Variants in FBF1 observed in about 807,000 individuals in gnomAD.
The protein encoded by FBF1 is fas-binding factor 1.
Under a neutral mutation model 147.2 loss-of-function variants are expected in FBF1, and 119 were observed. The observed-to-expected ratio is 0.81, with a 90% CI of 0.70 to 0.94. FBF1 has a LOEUF of 0.94. Among genes scored for constraint, FBF1 ranks in the 40% least tolerant of loss-of-function variants. FBF1 has a pLI of 0.00. For synonymous variants in FBF1, 601 were observed against 609.0 expected, an observed-to-expected ratio of 0.99 and a Z score of 0.19; for missense variants, 1,449 against 1,500.8, an observed-to-expected ratio of 0.97 and a Z score of 0.57.
At chr17:75,936,757 A>G (rs572639803) in intron 3 of FBF1, among the ~76,000 whole-genome samples, 113 of 152,234 alleles carry the variant, frequency 7.4e-4, no homozygotes, top group Non-Finnish European at 1.4e-3. Context: ...CCTGCCTACC[A>G]TGACACACTG....
intron 28 of FBF1, among the ~76,000 whole-genome samples, chr17:75,913,235 A>G (rs1360453536): frequency 7.3e-6 from 1 of 136,898 alleles, no homozygotes; most frequent in Non-Finnish European, 1.5e-5. Flanking sequence ...TGCAACCTCC[A>G]CTTCTCGGGT....
chr17:75,909,995 G>T lies in FBF1; in HGVS notation c.*728C>A, dbSNP rs909926897. On this transcript the variant is annotated 3_prime_UTR_variant, in exon 30 of 30. Transcript: ENST00000636174. ...GCTTTGGGCAGGTGAGCAGCACAGA[G>T]GCTTCCCTCCTCGTCCCTCCCCACA... 1 of 687,812 alleles carries T rather than the reference G, an allele frequency of 1.5e-6. No individual in the cohort carries two copies. Among genetic ancestry groups the T allele is most frequent in the Admixed American group, 2.0e-5 (1 of 49,506 alleles). The allele number at this position is 687,812 out of a possible 1,614,324, so 42.6% of individuals were successfully genotyped here. A position where few individuals can be genotyped will look rare whatever the true frequency, so the allele number is the denominator to read the frequency against.
chr17:75,936,777 C>G (rs1000966078), intron 3 of FBF1, among the ~76,000 whole-genome samples: 7 of 152,144 alleles, frequency 4.6e-5, no homozygotes, highest in Admixed American at 2.0e-4. Flanking sequence ...GGCCAAAGAT[C>G]AGTCTTCCAG....
intron 10 of FBF1, 131 bp downstream of exon 10, chr17:75,926,627 C>T: frequency 1.4e-6 from 2 of 1,396,364 alleles, no homozygotes; most frequent in Non-Finnish European, 1.9e-6. Context: ...GGCTGATGAT[C>T]TCTTTGTACT....
intron 2 of FBF1, 46 bp from the exon 3 acceptor site, chr17:75,937,639 C>G: frequency 6.2e-7 from 1 of 1,610,504 alleles, no homozygotes. Flanking sequence ...AAACAGTGAA[C>G]ACAGGTGGAA....
At chr17:75,931,879 G>A (rs1183834636) in intron 5 of FBF1, among the ~76,000 whole-genome samples, 1 of 151,924 alleles carries the variant, frequency 6.6e-6, no homozygotes, top group African/African-American at 2.4e-5. Flanking sequence ...TCTCATCTGT[G>A]GGGTATTCAT....
At chr17:75,929,964 C>CCCCAAAAAAAAA in intron 7 of FBF1, 33 bp downstream of exon 7, 4 of 1,402,194 alleles carry the variant, frequency 2.9e-6, no homozygotes, top group Non-Finnish European at 3.9e-6. Context: ...CACCCACCCC[C>CCCCAAAAAAAAA]AGTTCTAAGA....
At position 75,925,322 on chromosome 17, in the gene FBF1, C is replaced by A; in HGVS notation, c.968+25G>T. 6.3e-7 allele frequency: 1 copy of A among 1,598,736 alleles called. No homozygotes were observed. Among genetic ancestry groups the A allele is most frequent in the Non-Finnish European group, 8.5e-7 (1 of 1,169,984 alleles). ...CAGTGGCCGACCTGTCTCAAGAGGCCAAGCCTCCTGCAGGCCCCACTTACC... is the reference window on the plus strand; with the variant it reads ...CAGTGGCCGACCTGTCTCAAGAGGCAAAGCCTCCTGCAGGCCCCACTTACC... On this transcript the variant is annotated intron_variant, in intron 13 of 29. Transcript: ENST00000636174. The surrounding 1 kb of genome is among the most constrained non-coding windows in gnomAD (Gnocchi z 5.0).
Position 75,922,120 on chromosome 17 carries a change from C to G in FBF1, c.1425-74G>C. The stretch of plus-strand genomic sequence containing the variant: ...GGCTGGATGAAGACAGGGCCCAGGA[C>G]GGGCTTCACACGTGAAGCTCGTGGC... On this transcript the variant is annotated intron_variant, in intron 14 of 29. Coordinates refer to ENST00000636174, the MANE Select transcript of FBF1 (RefSeq NM_001319193.2). The surrounding 1 kb of genome is among the most constrained non-coding windows in gnomAD (Gnocchi z 5.0). The G allele has an allele frequency of 7.5e-7, 1 of 1,332,576 alleles. No individual in the cohort carries two copies. Among genetic ancestry groups the G allele is most frequent in the Non-Finnish European group, 1.0e-6 (1 of 956,176 alleles). 82.5% of individuals were successfully genotyped at this position (1,332,576 alleles called of 1,614,324 possible). A position where few individuals can be genotyped will look rare whatever the true frequency, so the allele number is the denominator to read the frequency against.
Position 75,910,913 on chromosome 17 carries a change from C to T in FBF1, c.3364-107G>A, listed in dbSNP as rs2065453378. 3 of 926,220 alleles carry T rather than the reference C, an allele frequency of 3.2e-6. No homozygotes were observed. The highest frequency in any genetic ancestry group is 5.0e-6 in the Non-Finnish European group (3 of 595,166). 57.4% of individuals were successfully genotyped at this position (926,220 alleles called of 1,614,324 possible). A position where few individuals can be genotyped will look rare whatever the true frequency, so the allele number is the denominator to read the frequency against. On this transcript the variant is annotated intron_variant, in intron 29 of 29. Coordinates refer to ENST00000636174, the MANE Select transcript of FBF1 (RefSeq NM_001319193.2). The surrounding 1 kb of genome is among the most constrained non-coding windows in gnomAD (Gnocchi z 4.1). ...TCACTGAGGCCCCTCCCCACATCGT[C>T]CCTGACTCTGCCTGGCTCTGGGAGT...
intron 10 of FBF1, among the ~76,000 whole-genome samples, 160 bp downstream of exon 10, chr17:75,926,598 C>T (rs532806389): frequency 6.6e-6 from 1 of 152,336 alleles, no homozygotes; most frequent in South Asian, 2.1e-4. Context: ...CTCACACGTC[C>T]TACCTTCCTA....
Position 75,923,449 on chromosome 17 carries a change from C to T in FBF1, c.1161G>A (p.Thr387=), listed in dbSNP as rs541743608. 1.4e-5 allele frequency: 22 copies of T among 1,608,892 alleles called. No homozygotes were observed. The African/African-American group carries it at 1.7e-4, about 13-fold the overall frequency. The change falls in exon 14 of 30, where the codon ACG becomes ACA. Residue 387 remains threonine (T), a synonymous_variant. Coordinates refer to ENST00000636174, the MANE Select transcript of FBF1 (RefSeq NM_001319193.2). This position sits in a 1 kb window ranked among gnomAD's most constrained non-coding sequence, Gnocchi z 4.1. ...EAHRESSVPV[T]PSVPPPASQH... is the part of the protein sequence containing the mutation. Reference sequence around the variant, plus strand: ...GGCTCGCAGGAGGAGGCACTGAGGGCGTGACAGGCACTGAACTTTCCCGAT... The same window carrying T: ...GGCTCGCAGGAGGAGGCACTGAGGGTGTGACAGGCACTGAACTTTCCCGAT...
At chr17:75,937,685 C>T in intron 2 of FBF1, 92 bp from the exon 3 acceptor site, 1 of 1,360,780 alleles carries the variant, frequency 7.3e-7, no homozygotes, top group Non-Finnish European at 1.0e-6. Context: ...TGCCTTTTGC[C>T]AAGTAACCAG....
At chr17:75,920,472 A>T (rs1302584977) in intron 17 of FBF1, 43 bp from the exon 18 acceptor site, 4 of 1,553,482 alleles carry the variant, frequency 2.6e-6, no homozygotes, top group Non-Finnish European at 3.5e-6. Flanking sequence ...GGGAGGGGAC[A>T]GGGGCCCAGC....
chr17:75,937,421 C>G (rs549949418), intron 3 of FBF1, 145 bp downstream of exon 3: 1 of 776,514 alleles, frequency 1.3e-6, no homozygotes, highest in Non-Finnish European at 2.2e-6. Flanking sequence ...CCACCCACCT[C>G]GGCCTCCCAA....
intron 23 of FBF1, among the ~76,000 whole-genome samples, chr17:75,916,513 A>G (rs540179703): frequency 6.6e-6 from 1 of 152,152 alleles, no homozygotes; most frequent in South Asian, 2.1e-4. Flanking sequence ...CCAGCTACTC[A>G]GGAAGCTGAG....
intron 17 of FBF1, among the ~76,000 whole-genome samples, chr17:75,920,820 G>T (rs907006176): frequency 7.4e-6 from 1 of 135,330 alleles, no homozygotes; most frequent in Non-Finnish European, 1.6e-5. Context: ...ATCTCCCAGG[G>T]ACACACTCCT....
In FBF1 at chr17:75,909,951, T is replaced by C. The variant is rs1341751040; in HGVS notation, c.*772A>G. 2 of 697,674 alleles carry C rather than the reference T, an allele frequency of 2.9e-6. No individual in the cohort carries two copies. The highest frequency in any genetic ancestry group is 1.5e-5 in the South Asian group (1 of 66,712). The allele number at this position is 697,674 out of a possible 1,614,324, so 43.2% of individuals were successfully genotyped here. On this transcript the variant is annotated 3_prime_UTR_variant, in exon 30 of 30. Coordinates refer to ENST00000636174, the MANE Select transcript of FBF1 (RefSeq NM_001319193.2). ...GTGATTGGTTCCTTGTCGCCTCCACTGCGTACCCGCTGAGCTGGGCTTTGG... is the reference window on the plus strand; with the variant it reads ...GTGATTGGTTCCTTGTCGCCTCCACCGCGTACCCGCTGAGCTGGGCTTTGG...
In FBF1 at chr17:75,921,469, A is replaced by T. The variant is rs1351364422; in HGVS notation, c.1615+3T>A. 1 of 1,611,526 alleles carries T rather than the reference A, an allele frequency of 6.2e-7. No homozygotes were observed. The highest frequency in any genetic ancestry group is 1.3e-5 in the African/African-American group (1 of 74,898). On this transcript the variant is annotated splice_donor_region_variant and intron_variant, in intron 16 of 29. Transcript: ENST00000636174. ...CAAATGAAGCAGCAAACAAAAAACA[A>T]ACCAGTGGCTGAGAGGTCTCCAGGG...
Sources: gnomAD v4.1 joint callset for allele counts (sites outside exome capture counted in the v4.1 genomes callset) on GRCh38, gnomAD v4.1.1 for gene constraint, Gnocchi (gnomAD v3.1) non-coding constraint, MANE v1.5 for transcripts, NCBI Gene and HGNC (gene_info 2026-07-23, HGNC 2026-07-21) for gene names.